ANKRD26: variants seen among roughly 807,000 people sequenced by gnomAD.
ANKRD26 encodes the protein ankyrin repeat domain 26.
A neutral mutation model predicts 208.7 loss-of-function variants in ANKRD26; 141 were observed. The observed-to-expected ratio is 0.68, with a 90% CI of 0.59 to 0.78. ANKRD26 has a LOEUF of 0.78. Among genes scored for constraint, ANKRD26 ranks in the 30% least tolerant of loss-of-function variants. ANKRD26 has a pLI of 0.00. For synonymous variants in ANKRD26, 636 were observed against 660.4 expected (o/e 0.96, Z 0.57); for missense variants, 1,889 against 1,938.7 (o/e 0.97, Z 0.48).
downstream of ANKRD26, among the ~76,000 whole-genome samples, chr10:26,971,528 A>G (rs2052142492): frequency 6.6e-6 from 1 of 151,914 alleles, no homozygotes; most frequent in Non-Finnish European, 1.5e-5. Context: ...TACAAAAATT[A>G]GCCAGGTGTG....
At chr10:27,095,529 A>G (rs1196092697) in intron 1 of ANKRD26, among the ~76,000 whole-genome samples, 2 of 152,184 alleles carry the variant, frequency 1.3e-5, no homozygotes, top group Non-Finnish European at 2.9e-5. Flanking sequence ...GTAGCCGGAC[A>G]TGGTGGTACA....
At chr10:27,098,432 C>T (rs973410967) in intron 1 of ANKRD26, among the ~76,000 whole-genome samples, 3 of 152,224 alleles carry the variant, frequency 2.0e-5, no homozygotes, top group Non-Finnish European at 4.4e-5. Flanking sequence ...CCTCTCTTCC[C>T]AAGGATTACT....
intron 17 of ANKRD26, among the ~76,000 whole-genome samples, chr10:27,046,958 G>A (rs111430404): frequency 0.012 from 1,761 of 152,030 alleles, 38 homozygotes; most frequent in African/African-American, 0.04. Context: ...TTAGGCACAC[G>A]GCATCTAGAT....
chr10:26,957,677 A>T, the ANKRD26 span, among the ~76,000 whole-genome samples: 3 of 152,078 alleles, frequency 2.0e-5, no homozygotes, highest in Non-Finnish European at 2.9e-5. Context: ...TAAGATTAAC[A>T]CTCTCTGGTC....
At position 27,006,197 on chromosome 10, in the gene ANKRD26, C is replaced by T. The variant is rs535326821; in HGVS notation, c.5000-474G>A. Among the ~76,000 whole-genome samples, 233 of 152,110 alleles carry T rather than the reference C, an allele frequency of 1.5e-3. 2 individuals carry two copies. The highest frequency in any genetic ancestry group is 5.5e-3 in the African/African-American group (227 of 41,482). ...GATGGAGGCAATATGTAGACTGATACCTGAAGTACAAGGAAAACATATGCC... is the reference window on the plus strand; with the variant it reads ...GATGGAGGCAATATGTAGACTGATATCTGAAGTACAAGGAAAACATATGCC... On this transcript the variant is annotated intron_variant, in intron 33 of 33. Transcript: ENST00000376087.
At chr10:26,963,011 T>C in the ANKRD26 span, among the ~76,000 whole-genome samples, 5 of 152,286 alleles carry the variant, frequency 3.3e-5, no homozygotes, top group African/African-American at 9.6e-5. Flanking sequence ...GTATACACTA[T>C]TATTGTCATC....
chr10:26,966,429 A>G, the ANKRD26 span, among the ~76,000 whole-genome samples: 2 of 152,192 alleles, frequency 1.3e-5, no homozygotes, highest in South Asian at 2.1e-4. Context: ...GGAGTTGAAC[A>G]TTGAGAACAC....
chr10:26,973,607 A>G (rs564527401), downstream of ANKRD26, among the ~76,000 whole-genome samples: 1 of 139,620 alleles, frequency 7.2e-6, no homozygotes, highest in African/African-American at 2.7e-5. Context: ...TTATTAATAT[A>G]TTGAGATGTT....
intron 17 of ANKRD26, 66 bp from the exon 18 acceptor site, chr10:27,046,589 AAG>A (rs2054456719): frequency 2.7e-6 from 4 of 1,459,024 alleles, no homozygotes; most frequent in South Asian, 1.2e-5. Context: ...AACATGCAGA[AAG>A]AGAGTTAAGG....
In ANKRD26 at chr10:27,080,583, G is replaced by C. The variant is rs140075553; in HGVS notation, c.741-1422C>G. 219 of 957,204 alleles carry C rather than the reference G, an allele frequency of 2.3e-4. 2 individuals are homozygous for C. The African/African-American group carries it at 3.6e-3, about 16-fold the overall frequency. The allele number at this position is 957,204 out of a possible 1,614,324, so 59.3% of individuals were successfully genotyped here. Reference sequence around the variant, plus strand: ...GAAAGAATGCTGGAGAAAGAGTCCTGGTAGTTGTACCTATATTTCCCTAAG... The same window carrying C: ...GAAAGAATGCTGGAGAAAGAGTCCTCGTAGTTGTACCTATATTTCCCTAAG... On this transcript the variant is annotated intron_variant, in intron 6 of 33. Transcript: ENST00000376087.
chr10:26,992,469 T>TACACACACACACACAC (rs61459601), intron 5 of ANKRD26, among the ~76,000 whole-genome samples: 1 of 136,310 alleles, frequency 7.3e-6, no homozygotes, highest in Non-Finnish European at 1.6e-5. Flanking sequence ...TACACACACG[T>TACACACACACACACAC]ACACACACAC....
intron 3 of ANKRD26, among the ~76,000 whole-genome samples, chr10:26,982,988 T>C (rs2052330943): frequency 6.6e-6 from 1 of 152,216 alleles, no homozygotes; most frequent in South Asian, 2.1e-4. Context: ...TAAGTCAGGT[T>C]TTGTCATTTG....
chr10:27,024,266 A>G (rs1465457958), intron 28 of ANKRD26, among the ~76,000 whole-genome samples, 181 bp downstream of exon 28: 28 of 152,198 alleles, frequency 1.8e-4, no homozygotes, highest in Non-Finnish European at 1.5e-5. Flanking sequence ...AATAAGTGTA[A>G]TATTTAGGCA....
At chr10:27,000,789 A>G (rs550386396), downstream of ANKRD26, among the ~76,000 whole-genome samples, 19 of 152,326 alleles carry the variant, frequency 1.2e-4, no homozygotes, top group East Asian at 2.7e-3. Flanking sequence ...GGATCACCTG[A>G]GGTCAGGAGA....
intron 17 of ANKRD26, among the ~76,000 whole-genome samples, chr10:27,046,982 T>C (rs1271239308): frequency 6.6e-6 from 1 of 151,294 alleles, no homozygotes; most frequent in Non-Finnish European, 1.5e-5. Flanking sequence ...TCCTAGGAAC[T>C]TGAAAGAAAA....
intron 3 of ANKRD26, among the ~76,000 whole-genome samples, 175 bp downstream of exon 3, chr10:27,093,174 G>C (rs1318383502): frequency 3.3e-5 from 5 of 152,106 alleles, no homozygotes; most frequent in African/African-American, 9.7e-5. Flanking sequence ...ACTGCCTAAT[G>C]CTTCTTTAAA....
In ANKRD26 at chr10:27,093,469, A is replaced by C; in HGVS notation, c.411T>G (p.Ala137=). 1 of 1,614,228 alleles carries C rather than the reference A, an allele frequency of 6.2e-7. No homozygotes were observed. The highest frequency in any genetic ancestry group is 1.1e-5 in the South Asian group (1 of 91,090). The change falls in exon 3 of 34, where the codon GCT becomes GCG. Residue 137 remains alanine, a synonymous_variant. Transcript: ENST00000376087. ...CATGGACATCCGCAAGATTTGGATC[A>C]GCACCATGTTCTAGCAGAATAGTTG... The part of the protein sequence containing the change: ...KCATILLEHG[A]DPNLADVHGN...
intron 4 of ANKRD26, among the ~76,000 whole-genome samples, chr10:26,995,986 C>T (rs528669004): frequency 6.6e-6 from 1 of 152,262 alleles, no homozygotes; most frequent in East Asian, 1.9e-4. Context: ...GCCATTCTCT[C>T]CAGGTGAAGG....
intron 18 of ANKRD26, among the ~76,000 whole-genome samples, chr10:27,044,423 T>A (rs2054370256): frequency 6.6e-6 from 1 of 151,188 alleles, no homozygotes; most frequent in Non-Finnish European, 1.5e-5. Flanking sequence ...ATACTAACAA[T>A]ATCATAACAA....
Sources: allele counts gnomAD v4.1 joint callset (sites outside exome capture counted in the v4.1 genomes callset), GRCh38; gene constraint gnomAD v4.1.1; transcripts MANE v1.5; gene names NCBI Gene and HGNC (gene_info 2026-07-23, HGNC 2026-07-21).